Variants in SLIT2 observed in about 807,000 individuals in gnomAD.
SLIT2 encodes the protein slit guidance ligand 2.
Under a neutral mutation model 185.7 loss-of-function variants are expected in SLIT2, and 41 were observed. The observed-to-expected ratio is 0.22, with a 90% CI of 0.17 to 0.29. The LOEUF (loss-of-function observed/expected upper bound fraction) is 0.29. SLIT2 is among the 10% of genes least tolerant of loss of function. The probability of loss-of-function intolerance (pLI) is 1.00; values close to 1 mark genes in which losing one functional copy is unlikely to be tolerated. For synonymous variants in SLIT2, 693 were observed against 680.2 expected (o/e 1.02, Z -0.29); for missense variants, 1,571 against 1,909.0 (o/e 0.82, Z 3.30).
At chr4:20,289,103 C>A (rs1270091147) in intron 4 of SLIT2, among the ~76,000 whole-genome samples, 2 of 152,138 alleles carry the variant, frequency 1.3e-5, no homozygotes, top group Non-Finnish European at 2.9e-5. Flanking sequence ...GCAGGGGGTG[C>A]TGATGCATGT....
chr4:20,268,997 A>G, intron 4 of SLIT2, 116 bp downstream of exon 4: 1 of 678,390 alleles, frequency 1.5e-6, no homozygotes, highest in South Asian at 1.8e-5. Context: ...AGATTAATGG[A>G]TTAAAAGTTT....
rs773665452 is a variant in SLIT2 at position 20,546,066 on chromosome 4, A to G, written c.2312A>G (p.Lys771Arg). The change falls in exon 22 of 37, where the codon AAG (lysine) becomes AGG (arginine). Residue 771 changes from lysine to arginine, a missense_variant. By Grantham distance (26) the Lys-to-Arg change is conservative. Coordinates refer to ENST00000504154, the MANE Select transcript of SLIT2 (RefSeq NM_004787.4). ...GGAAACCAATTTACACTGGTTCCCA[A>G]GGAACTCTCCAACTACAAACATTTA... Reference protein sequence around the residue: ...LDGNQFTLVPKELSNYKHLTL... With the variant: ...LDGNQFTLVPRELSNYKHLTL... 1.9e-6 allele frequency: 3 copies of G among 1,589,524 alleles called. No homozygotes were observed. The highest frequency in any genetic ancestry group is 2.3e-5 in the South Asian group (2 of 87,472).
chr4:20,616,949 C>T lies in SLIT2; in HGVS notation c.3887C>T (p.Ala1296Val), dbSNP rs1299325169. The T allele has an allele frequency of 6.2e-7, 1 of 1,612,732 alleles. No individual in the cohort carries two copies. The highest frequency in any genetic ancestry group is 1.1e-5 in the South Asian group (1 of 91,022). The change falls in exon 35 of 37, where the codon GCC (alanine) becomes GTC (valine). Residue 1296 changes from alanine to valine, a missense_variant. By Grantham distance (64) the Ala-to-Val change is moderately conservative (BLOSUM62 0). Transcript: ENST00000504154. The part of the protein sequence containing the change: ...GKSNVASLRQ[A>V]PGQNGTSFHG... ...AGTAACGTGGCATCTCTGCGCCAGG[C>T]CCCTGGGCAGAACGGAACCAGCTTC... is the stretch of plus-strand genomic sequence containing the variant.
intron 4 of SLIT2, among the ~76,000 whole-genome samples, chr4:20,451,079 C>CTTTA (rs564339624): frequency 2.1e-4 from 32 of 152,202 alleles, no homozygotes; most frequent in African/African-American, 6.7e-4. Context: ...CCACTAAGGA[C>CTTTA]TTTATTTTTC....
intron 4 of SLIT2, among the ~76,000 whole-genome samples, chr4:20,290,844 C>T (rs555463929): frequency 4.2e-5 from 6 of 143,094 alleles, no homozygotes; most frequent in East Asian, 2.1e-4. Context: ...TATCATTTTT[C>T]GTAATAACCT....
chr4:20,557,401 A>G (rs1724353604), intron 26 of SLIT2, among the ~76,000 whole-genome samples: 1 of 152,156 alleles, frequency 6.6e-6, no homozygotes, highest in African/African-American at 2.4e-5. Flanking sequence ...AGAGCCCTTG[A>G]TAATTACGGT....
intron 26 of SLIT2, among the ~76,000 whole-genome samples, chr4:20,564,381 C>T (rs1315851377): frequency 6.6e-6 from 1 of 151,812 alleles, no homozygotes. Flanking sequence ...GTAAAAATCA[C>T]ATTCTGAAAA....
At chr4:20,530,274 C>CTT (rs879748943) in intron 16 of SLIT2, among the ~76,000 whole-genome samples, 2 of 145,352 alleles carry the variant, frequency 1.4e-5, no homozygotes, top group Admixed American at 6.9e-5. Flanking sequence ...CACAATAGTA[C>CTT]TTTTTTTTTT....
chr4:20,562,695 G>A (rs1406991754), intron 26 of SLIT2, among the ~76,000 whole-genome samples: 5 of 151,710 alleles, frequency 3.3e-5, no homozygotes, highest in Non-Finnish European at 5.9e-5. Context: ...TATGCATTTG[G>A]TATTATTAAT....
In SLIT2 at chr4:20,599,007, G is replaced by T. The variant is rs1475298467; in HGVS notation, c.3692+612G>T. Among the ~76,000 whole-genome samples, 3 of 152,148 alleles carry T rather than the reference G, an allele frequency of 2.0e-5. No individual in the cohort carries two copies. In the East Asian group the frequency reaches 5.8e-4, roughly 29 times the overall value. On this transcript the variant is annotated intron_variant, in intron 33 of 36. Coordinates refer to ENST00000504154, the MANE Select transcript of SLIT2 (RefSeq NM_004787.4). ...GAATCAAATGAAGATATCCAGCACT[G>T]TGAGTAACTTCAGGTTGCCATTCAT...
intron 4 of SLIT2, among the ~76,000 whole-genome samples, chr4:20,441,826 A>G (rs1215867453): frequency 6.6e-6 from 1 of 152,072 alleles, no homozygotes; most frequent in Non-Finnish European, 1.5e-5. Flanking sequence ...TACTTTAACC[A>G]TTTTATTCTC....
At chr4:20,472,247 T>TATATATATCTATATATAGATATATATAG (rs1715144503) in intron 5 of SLIT2, among the ~76,000 whole-genome samples, 1 of 38,496 alleles carries the variant, frequency 2.6e-5, no homozygotes, top group East Asian at 1.3e-3. Flanking sequence ...TCTATATATC[T>TATATATATCTATATATAGATATATATAG]ATATATAGAT....
chr4:20,532,580 G>A (rs1721905703), intron 17 of SLIT2, among the ~76,000 whole-genome samples: 1 of 152,166 alleles, frequency 6.6e-6, no homozygotes, highest in Non-Finnish European at 1.5e-5. Flanking sequence ...GTTACTCCAT[G>A]CCCCTGGGGA....
intron 4 of SLIT2, among the ~76,000 whole-genome samples, chr4:20,365,545 G>A (rs758347602): frequency 4.6e-5 from 7 of 151,944 alleles, no homozygotes; most frequent in Admixed American, 6.6e-5. Context: ...CCACCCTCCC[G>A]TCACTTCTTT....
chr4:20,372,508 C>A (rs2109320876), intron 4 of SLIT2, among the ~76,000 whole-genome samples: 1 of 151,936 alleles, frequency 6.6e-6, no homozygotes, highest in Admixed American at 6.6e-5. Flanking sequence ...TTCTAATTTC[C>A]AAAATTAACT....
chr4:20,320,693 T>A (rs1299731134), intron 4 of SLIT2, among the ~76,000 whole-genome samples: 1 of 152,110 alleles, frequency 6.6e-6, no homozygotes, highest in Non-Finnish European at 1.5e-5. Context: ...CACTCTCCCC[T>A]CCTCCTTCAC....
intron 12 of SLIT2, among the ~76,000 whole-genome samples, chr4:20,521,511 A>C (rs1466920878): frequency 1.3e-5 from 2 of 152,236 alleles, no homozygotes; most frequent in Non-Finnish European, 2.9e-5. Flanking sequence ...AACATCTTTC[A>C]GTTTCCTCAG....
At chr4:20,556,002 A>G (rs1160358554) in intron 26 of SLIT2, among the ~76,000 whole-genome samples, 1 of 152,062 alleles carries the variant, frequency 6.6e-6, no homozygotes, top group African/African-American at 2.4e-5. Flanking sequence ...TCTTCTTTGA[A>G]TTGAATTATT....
chr4:20,302,091 A>G (rs1717101960), intron 4 of SLIT2, among the ~76,000 whole-genome samples: 1 of 152,244 alleles, frequency 6.6e-6, no homozygotes, highest in Non-Finnish European at 1.5e-5. Flanking sequence ...AGAACTAGAG[A>G]AACGAAGATT....
Sources: gnomAD v4.1 joint callset for allele counts (sites outside exome capture counted in the v4.1 genomes callset) on GRCh38, gnomAD v4.1.1 for gene constraint, MANE v1.5 for transcripts, NCBI Gene and HGNC (gene_info 2026-07-23, HGNC 2026-07-21) for gene names.